Variants in ST7 observed in about 807,000 individuals in gnomAD.
ST7 encodes suppression of tumorigenicity 7, also known as suppressor of tumorigenicity 7 protein.
Under a neutral mutation model 78.7 loss-of-function variants are expected in ST7, and 28 were observed. The ratio of observed to expected loss-of-function variants is 0.36; its 90% CI spans 0.26 to 0.49. ST7 has a LOEUF of 0.49. Among genes scored for constraint, ST7 ranks in the 20% least tolerant of loss-of-function variants. The pLI is 0.99. For missense variants in ST7, 418 were observed against 696.0 expected (o/e 0.60, Z 4.49); for synonymous variants, 247 against 249.6 (o/e 0.99, Z 0.10).
chr7:117,035,624 T>C (rs1194806014), intron 1 of ST7, among the ~76,000 whole-genome samples: 1 of 152,194 alleles, frequency 6.6e-6, no homozygotes, highest in Non-Finnish European at 1.5e-5. Context: ...GGCTTTTTCA[T>C]TTTTAATAAG....
intron 1 of ST7, among the ~76,000 whole-genome samples, chr7:116,988,838 A>G (rs747239863): frequency 6.6e-6 from 1 of 152,242 alleles, no homozygotes; most frequent in Non-Finnish European, 1.5e-5. Flanking sequence ...TTTTAACATG[A>G]CAGACTTGGA....
chr7:117,043,737 T>G (rs1179175092), intron 1 of ST7, among the ~76,000 whole-genome samples: 1 of 152,186 alleles, frequency 6.6e-6, no homozygotes, highest in Non-Finnish European at 1.5e-5. Flanking sequence ...TAAACGTTAC[T>G]TCAGTTCCTC....
intron 1 of ST7, among the ~76,000 whole-genome samples, chr7:117,019,522 G>C (rs904392942): frequency 6.6e-6 from 1 of 152,196 alleles, no homozygotes; most frequent in Non-Finnish European, 1.5e-5. Flanking sequence ...TGACTGAGTT[G>C]CTCTGGAAAA....
intron 12 of ST7, among the ~76,000 whole-genome samples, chr7:117,196,497 C>T (rs972767309): frequency 4.5e-4 from 69 of 152,156 alleles, no homozygotes; most frequent in African/African-American, 1.6e-3. Flanking sequence ...TTTTGATTTG[C>T]ATTTCTCTGC....
At chr7:117,106,701 A>G (rs1488230124) in intron 2 of ST7, among the ~76,000 whole-genome samples, 1 of 148,052 alleles carries the variant, frequency 6.8e-6, no homozygotes. Flanking sequence ...GCTCACTGCA[A>G]TCTCTGTCTC....
In ST7 at chr7:117,136,650, T is replaced by G. The variant is rs1584441812; in HGVS notation, c.865+415T>G. On this transcript the variant is annotated intron_variant, in intron 8 of 15. Transcript: ENST00000323984. ...AGATCTTCTACAACATGGATTGAAA[T>G]AGGACAATTAAGAATATAAGTTATT... The G allele has an allele frequency of 1.2e-5, 3 of 253,082 alleles. No homozygotes were observed. In the East Asian group the frequency reaches 2.8e-4, roughly 23 times the overall value. The allele number at this position is 253,082 out of a possible 1,614,324, so 15.7% of individuals were successfully genotyped here. A position where few individuals can be genotyped will look rare whatever the true frequency, so the allele number is the denominator to read the frequency against.
intron 11 of ST7, among the ~76,000 whole-genome samples, chr7:117,189,637 G>T (rs1369718268): frequency 6.6e-6 from 1 of 152,194 alleles, no homozygotes; most frequent in Non-Finnish European, 1.5e-5. Context: ...CTTCTGAGAT[G>T]AGTTTTTTGG....
At chr7:117,073,085 G>C (rs923633511) in intron 1 of ST7, 2 of 152,180 alleles carry the variant, frequency 1.3e-5, no homozygotes, top group African/African-American at 4.8e-5. Context: ...TCAGAGGCTG[G>C]CTTCAGCCTT....
At chr7:117,209,313 G>C (rs1792090795) in intron 12 of ST7, among the ~76,000 whole-genome samples, 1 of 152,096 alleles carries the variant, frequency 6.6e-6, no homozygotes, top group East Asian at 1.9e-4. Context: ...GCTGTGGGTG[G>C]CTCTTTTCAT....
intron 1 of ST7, among the ~76,000 whole-genome samples, chr7:117,037,250 A>G (rs1197989050): frequency 6.6e-6 from 1 of 152,200 alleles, no homozygotes; most frequent in Non-Finnish European, 1.5e-5. Context: ...TTACATTTTT[A>G]TGTTATGCCC....
intron 3 of ST7, among the ~76,000 whole-genome samples, chr7:117,123,460 G>C (rs1803574327): frequency 6.6e-6 from 1 of 152,074 alleles, no homozygotes; most frequent in South Asian, 2.1e-4. Flanking sequence ...TTTATCTGCG[G>C]GCCAGTGGAG....
intron 1 of ST7, chr7:116,968,393 A>G (rs1232806834): frequency 2.3e-6 from 1 of 439,656 alleles, no homozygotes; most frequent in Non-Finnish European, 4.6e-6. Flanking sequence ...CTTCTTCTTG[A>G]GACAGTGTCT....
intron 12 of ST7, among the ~76,000 whole-genome samples, chr7:117,203,251 G>C (rs528728177): frequency 1.3e-5 from 2 of 152,178 alleles, no homozygotes; most frequent in South Asian, 4.1e-4. Context: ...TCAAATGCAG[G>C]TTTTGCCACT....
chr7:117,082,659 A>G (rs77741573), intron 1 of ST7, among the ~76,000 whole-genome samples: 67 of 152,376 alleles, frequency 4.4e-4, no homozygotes, highest in African/African-American at 1.5e-3. Flanking sequence ...AGTAGAAAAT[A>G]CCAGAGAAGC....
intron 2 of ST7, among the ~76,000 whole-genome samples, chr7:117,103,636 C>G (rs535721200): frequency 6.6e-6 from 1 of 152,190 alleles, no homozygotes; most frequent in South Asian, 2.1e-4. Context: ...GACCTGAAAC[C>G]ATGACACTGT....
chr7:117,074,834 G>A (rs1799229580), intron 1 of ST7: 1 of 152,150 alleles, frequency 6.6e-6, no homozygotes, highest in Admixed American at 6.5e-5. Context: ...CAGGTTTGTT[G>A]GCCAGTAAGC....
Position 117,148,031 on chromosome 7 carries a change from T to A in ST7, c.963+9499T>A, listed in dbSNP as rs114378940. ...GTTGGGTATAAAGATTTGTATGTAT[T>A]TACTAGTTTGAGCTTATAAACCATA... On this transcript the variant is annotated intron_variant, in intron 9 of 15. Transcript: ENST00000323984. 7.4e-3 allele frequency among the ~76,000 whole-genome samples: 1,132 copies of A among 152,292 alleles called. 21 individuals are homozygous for A. The highest frequency in any genetic ancestry group is 0.026 in the African/African-American group (1,066 of 41,560).
At chr7:117,028,169 G>A (rs984088577) in intron 1 of ST7, among the ~76,000 whole-genome samples, 1 of 152,098 alleles carries the variant, frequency 6.6e-6, no homozygotes, top group Non-Finnish European at 1.5e-5. Context: ...AATTTGCCAT[G>A]TACTGGTAAG....
rs527924096 is a variant in ST7, at chr7:117,087,319, G to T, written c.152-12443G>T. On this transcript the variant is annotated intron_variant, in intron 1 of 15. Coordinates refer to ENST00000323984, the MANE Select transcript of ST7 (RefSeq NM_001369598.1). The stretch of plus-strand genomic sequence containing the variant: ...TAGAAAATAGATTTATTTTTATTTT[G>T]TCATGTAATCTCGGCTGATAAAACA... Among the ~76,000 whole-genome samples, 62 of 152,236 alleles carry T rather than the reference G, an allele frequency of 4.1e-4. 1 individual carries two copies. The South Asian group carries it at 0.012, about 30-fold the overall frequency.
Sources: allele counts gnomAD v4.1 joint callset (sites outside exome capture counted in the v4.1 genomes callset), GRCh38; gene constraint gnomAD v4.1.1; transcripts MANE v1.5; gene names NCBI Gene and HGNC (gene_info 2026-07-23, HGNC 2026-07-21).